TNFRSF11B: variants seen among roughly 807,000 people sequenced by gnomAD.
The protein encoded by TNFRSF11B is tumor necrosis factor receptor superfamily member 11B.
Under a neutral mutation model 43.4 loss-of-function variants are expected in TNFRSF11B, and 16 were observed. The ratio of observed to expected loss-of-function variants is 0.37; its 90% CI spans 0.25 to 0.56. The LOEUF (loss-of-function observed/expected upper bound fraction) is 0.56. Ranked by LOEUF, TNFRSF11B falls within the 20% of genes least tolerant of loss-of-function variation. The probability of loss-of-function intolerance (pLI) is 0.80; values close to 1 mark genes in which losing one functional copy is unlikely to be tolerated. For missense variants in TNFRSF11B, 444 were observed against 490.1 expected (o/e 0.91, Z 0.89); for synonymous variants, 185 against 181.8 (o/e 1.02, Z -0.14).
intron 1 of TNFRSF11B, among the ~76,000 whole-genome samples, chr8:118,950,324 C>G (rs963042392): frequency 6.6e-6 from 1 of 152,190 alleles, no homozygotes; most frequent in African/African-American, 2.4e-5. Flanking sequence ...GAATACCATA[C>G]AGCAATGACA....
At position 118,924,242 on chromosome 8, in the gene TNFRSF11B, T is replaced by C; in HGVS notation, c.*132A>G. The C allele has an allele frequency of 2.0e-6, 2 of 993,170 alleles. No individual in the cohort carries two copies. The highest frequency in any genetic ancestry group is 1.3e-5 in the South Asian group (1 of 75,526). The allele number at this position is 993,170 out of a possible 1,614,324, so 61.5% of individuals were successfully genotyped here. A position where few individuals can be genotyped will look rare whatever the true frequency, so the allele number is the denominator to read the frequency against. Reference sequence around the variant, plus strand: ...CCTTTCTCCACATCATAGTTTCTTTTAGTACCCTGTGGCAAAATTAGTCAC... The same window carrying C: ...CCTTTCTCCACATCATAGTTTCTTTCAGTACCCTGTGGCAAAATTAGTCAC... On this transcript the variant is annotated 3_prime_UTR_variant, in exon 5 of 5. Coordinates refer to ENST00000297350, the MANE Select transcript of TNFRSF11B (RefSeq NM_002546.4).
At chr8:118,939,661 A>C (rs1032129) in intron 1 of TNFRSF11B, among the ~76,000 whole-genome samples, 57,374 of 152,002 alleles carry the variant, frequency 0.38, 11,093 homozygotes, top group East Asian at 0.62. Flanking sequence ...AAAGAGAAGG[A>C]ATTTGGTTTG....
chr8:118,924,318 T>C lies in TNFRSF11B; in HGVS notation c.*56A>G. 6.3e-7 allele frequency: 1 copy of C among 1,598,588 alleles called. No individual in the cohort carries two copies. The highest frequency in any genetic ancestry group is 2.2e-5 in the East Asian group (1 of 44,816). ...AGCCTCAAGTGCCTGAGAAACAGTT[T>C]ACTCATCCATGGGATCTCGCCAATT... is the stretch of plus-strand genomic sequence containing the variant. On this transcript the variant is annotated 3_prime_UTR_variant, in exon 5 of 5. Coordinates refer to ENST00000297350, the MANE Select transcript of TNFRSF11B (RefSeq NM_002546.4).
At chr8:118,949,567 T>C (rs1418980007) in intron 1 of TNFRSF11B, among the ~76,000 whole-genome samples, 1 of 152,234 alleles carries the variant, frequency 6.6e-6, no homozygotes, top group Non-Finnish European at 1.5e-5. Context: ...GTGGTACTGG[T>C]ATTTGATTTT....
chr8:118,933,403 C>A, intron 1 of TNFRSF11B, 103 bp from the exon 2 acceptor site: 1 of 1,549,158 alleles, frequency 6.5e-7, no homozygotes, highest in Non-Finnish European at 8.8e-7. Context: ...TTACCTTAAG[C>A]CTAATGAGAT....
At chr8:118,947,082 C>A (rs1311603450) in intron 1 of TNFRSF11B, among the ~76,000 whole-genome samples, 1 of 152,046 alleles carries the variant, frequency 6.6e-6, no homozygotes, top group Admixed American at 6.6e-5. Context: ...TAAGAATGGG[C>A]TTTTGTGAAG....
chr8:118,950,033 T>C (rs1267234953), intron 1 of TNFRSF11B, among the ~76,000 whole-genome samples: 1 of 152,198 alleles, frequency 6.6e-6, no homozygotes, highest in Non-Finnish European at 1.5e-5. Context: ...TGCTGTATCA[T>C]CTAAAATTAG....
intron 1 of TNFRSF11B, among the ~76,000 whole-genome samples, chr8:118,941,507 A>T (rs1812485244): frequency 6.6e-6 from 1 of 152,168 alleles, no homozygotes; most frequent in African/African-American, 2.4e-5. Context: ...GAGGCTGAAG[A>T]ATTGTCTTCA....
chr8:118,940,351 G>A (rs1812468115), intron 1 of TNFRSF11B, among the ~76,000 whole-genome samples: 1 of 152,132 alleles, frequency 6.6e-6, no homozygotes, highest in Admixed American at 6.5e-5. Flanking sequence ...GGTGTTAAAT[G>A]GGTAAGATCT....
At chr8:118,929,790 T>C (rs1812301045) in intron 2 of TNFRSF11B, among the ~76,000 whole-genome samples, 1 of 152,230 alleles carries the variant, frequency 6.6e-6, no homozygotes, top group Admixed American at 6.5e-5. Flanking sequence ...TGAAAATATC[T>C]CCATCTAGTG....
In TNFRSF11B at chr8:118,924,332, A is replaced by T. The variant is rs1234565790; in HGVS notation, c.*42T>A. On this transcript the variant is annotated 3_prime_UTR_variant, in exon 5 of 5. Coordinates refer to ENST00000297350, the MANE Select transcript of TNFRSF11B (RefSeq NM_002546.4). ...GAGAAACAGTTTACTCATCCATGGGATCTCGCCAATTGTGAGGAAACAGCT... is the reference window on the plus strand; with the variant it reads ...GAGAAACAGTTTACTCATCCATGGGTTCTCGCCAATTGTGAGGAAACAGCT... The T allele has an allele frequency of 1.2e-6, 2 of 1,610,260 alleles. No homozygotes were observed. The highest frequency in any genetic ancestry group is 2.7e-5 in the African/African-American group (2 of 74,838).
intron 1 of TNFRSF11B, among the ~76,000 whole-genome samples, chr8:118,937,417 C>T (rs1812419961): frequency 6.6e-6 from 1 of 152,182 alleles, no homozygotes. Context: ...CTTCCATTCC[C>T]TCTGTAAAAT....
chr8:118,948,754 T>G (rs1812600826), intron 1 of TNFRSF11B, among the ~76,000 whole-genome samples: 1 of 149,746 alleles, frequency 6.7e-6, no homozygotes, highest in Non-Finnish European at 1.5e-5. Context: ...GAGTATTCAT[T>G]CTCTTAAAAC....
intron 1 of TNFRSF11B, among the ~76,000 whole-genome samples, chr8:118,938,217 G>C (rs1345963822): frequency 6.6e-6 from 1 of 152,100 alleles, no homozygotes; most frequent in African/African-American, 2.4e-5. Context: ...CTGGGCTCAA[G>C]TGATCTGCCT....
rs1463972248 is a variant in TNFRSF11B, at chr8:118,926,510, G to A, written c.801C>T (p.Val267=). Residue 267 remains valine (V), a synonymous_variant, in exon 4 of 5, where the codon GTC becomes GTT. Transcript: ENST00000297350. The part of the protein sequence containing the change: ...WKHQNKDQDI[V]KKIIQDIDLC... ...TTATCATACCTTGGATGATCTTCTTGACTATATCTTGGTCTTTGTTTTGAT... is the reference window on the plus strand; with the variant it reads ...TTATCATACCTTGGATGATCTTCTTAACTATATCTTGGTCTTTGTTTTGAT... 5.6e-6 allele frequency: 9 copies of A among 1,613,176 alleles called. No homozygotes were observed. Among genetic ancestry groups the A allele is most frequent in the Non-Finnish European group, 7.6e-6 (9 of 1,179,404 alleles).
intron 1 of TNFRSF11B, among the ~76,000 whole-genome samples, chr8:118,944,605 T>C (rs939595924): frequency 6.6e-6 from 1 of 151,482 alleles, no homozygotes; most frequent in African/African-American, 2.4e-5. Context: ...CACAATCTAG[T>C]TTTTTTTTCT....
rs139387604 is a variant in TNFRSF11B, at chr8:118,934,686, G to T, written c.31-1386C>A. Among the ~76,000 whole-genome samples the T allele has an allele frequency of 3.1e-4, 47 of 149,758 alleles. No individual in the cohort carries two copies. In the East Asian group the frequency reaches 9.4e-3, roughly 30 times the overall value. On this transcript the variant is annotated intron_variant, in intron 1 of 4. Coordinates refer to ENST00000297350, the MANE Select transcript of TNFRSF11B (RefSeq NM_002546.4). ...AAACTGTGTTTTTTGTGTGTAGGGG[G>T]TGGTTTGTTTGTTTTTGGTACAGAG...
Position 118,933,201 on chromosome 8 carries a change from A to T in TNFRSF11B, c.130T>A (p.Cys44Ser), listed in dbSNP as rs1441193232. Residue 44 changes from cysteine (C) to serine (S), a missense_variant, in exon 2 of 5, where the codon TGT (cysteine) becomes AGT (serine). Coordinates refer to ENST00000297350, the MANE Select transcript of TNFRSF11B (RefSeq NM_002546.4). ...TGTTTTAGGTAGGTACCAGGAGGAC[A>T]TTTGTCACACAACAGCTGATGAGAG... Reference protein sequence around the residue: ...ETSHQLLCDKCPPGTYLKQHC... With the variant: ...ETSHQLLCDKSPPGTYLKQHC... 2 of 1,614,086 alleles carry T rather than the reference A, an allele frequency of 1.2e-6. No individual in the cohort carries two copies. The highest frequency in any genetic ancestry group is 2.7e-5 in the African/African-American group (2 of 74,926).
chr8:118,924,709 T>TA lies in TNFRSF11B; in HGVS notation c.870_871insT (p.Thr291TyrfsTer7). ...ATCAAGCTACGAAGCTGCTCGAAGG[T>TA]GAGGTTAGCATGTCCAATGTGCCGC... On this transcript the variant is annotated frameshift_variant, in exon 5 of 5. Transcript: ENST00000297350. LOFTEE classifies it high-confidence loss of function. 1.2e-6 allele frequency: 2 copies of TA among 1,614,168 alleles called. No individual in the cohort carries two copies. Among genetic ancestry groups the TA allele is most frequent in the Non-Finnish European group, 1.7e-6 (2 of 1,180,036 alleles).
Sources: allele counts gnomAD v4.1 joint callset (sites outside exome capture counted in the v4.1 genomes callset), GRCh38; gene constraint gnomAD v4.1.1; transcripts MANE v1.5; gene names NCBI Gene and HGNC (gene_info 2026-07-23, HGNC 2026-07-21).